ACTR3C: variants seen among roughly 807,000 people sequenced by gnomAD.
The protein encoded by ACTR3C is actin-related protein 3C.
Under a neutral mutation model 26.3 loss-of-function variants are expected in ACTR3C, and 18 were observed. The observed-to-expected ratio is 0.68, with a 90% confidence interval of 0.47 to 1.01. The LOEUF (loss-of-function observed/expected upper bound fraction) is 1.01. ACTR3C is among the 50% of genes least tolerant of loss of function. ACTR3C has a pLI of 0.00. For synonymous variants in ACTR3C, 55 were observed against 94.5 expected (o/e 0.58, Z 2.42); for missense variants, 184 against 250.7 (o/e 0.73, Z 1.80).
the ACTR3C span, among the ~76,000 whole-genome samples, chr7:150,120,573 T>C: frequency 2.0e-5 from 3 of 152,110 alleles, no homozygotes; most frequent in Admixed American, 6.5e-5. Context: ...TAACAAGTTC[T>C]GAAGTTGATA....
chr7:149,948,774 A>G, the ACTR3C span, among the ~76,000 whole-genome samples: 3 of 151,834 alleles, frequency 2.0e-5, no homozygotes, highest in African/African-American at 7.3e-5. Context: ...CTAAAATTTC[A>G]TGAGTAGCCA....
chr7:150,295,713 G>A (rs1340476675), intron 1 of ACTR3C, among the ~76,000 whole-genome samples: 1 of 150,016 alleles, frequency 6.7e-6, no homozygotes, highest in African/African-American at 2.5e-5. Flanking sequence ...GACATCAAAG[G>A]CGAACCGGTG....
the ACTR3C span, among the ~76,000 whole-genome samples, chr7:150,015,458 A>G: frequency 6.6e-6 from 1 of 152,172 alleles, no homozygotes; most frequent in Non-Finnish European, 1.5e-5. Context: ...CAGTTGCCAC[A>G]GGATCCATAA....
At chr7:150,259,014 AT>A (rs1397740343) in intron 6 of ACTR3C, among the ~76,000 whole-genome samples, 1 of 151,640 alleles carries the variant, frequency 6.6e-6, no homozygotes, top group African/African-American at 2.4e-5. Context: ...ATTAGAAATA[AT>A]TCATATTCAC....
intron 6 of ACTR3C, among the ~76,000 whole-genome samples, chr7:150,263,144 A>G (rs1417639833): frequency 1.3e-5 from 2 of 151,964 alleles, no homozygotes; most frequent in African/African-American, 4.8e-5. Context: ...ATGATAATTT[A>G]ATATGGCCAC....
chr7:150,093,228 C>G, the ACTR3C span, among the ~76,000 whole-genome samples: 16 of 150,936 alleles, frequency 1.1e-4, 1 homozygote, highest in African/African-American at 4.0e-4. Flanking sequence ...AATGTAGATA[C>G]CTGAGTTTTC....
At chr7:149,955,532 G>C in the ACTR3C span, among the ~76,000 whole-genome samples, 1 of 152,132 alleles carries the variant, frequency 6.6e-6, no homozygotes, top group Non-Finnish European at 1.5e-5. Context: ...GCAGTGATGG[G>C]AGTCGCAGTG....
At chr7:150,198,484 C>T in the ACTR3C span, among the ~76,000 whole-genome samples, 2 of 141,432 alleles carry the variant, frequency 1.4e-5, no homozygotes, top group African/African-American at 2.8e-5. Flanking sequence ...TGGGGAGCGC[C>T]TCTGCCCCGC....
chr7:150,255,226 A>T (rs1356833012), intron 6 of ACTR3C, among the ~76,000 whole-genome samples: 1 of 149,942 alleles, frequency 6.7e-6, no homozygotes, highest in East Asian at 1.9e-4. Flanking sequence ...GAAATCTGCC[A>T]AAAGTTTTGT....
the ACTR3C span, among the ~76,000 whole-genome samples, chr7:150,035,121 A>G: frequency 9.3e-3 from 1,104 of 118,792 alleles, 42 homozygotes; most frequent in African/African-American, 0.014. Context: ...TCCTCCAGGT[A>G]GGTCCTAAGG....
the ACTR3C span, chr7:150,045,054 C>G: frequency 3.3e-5 from 5 of 152,304 alleles, no homozygotes; most frequent in Admixed American, 1.3e-4. Context: ...AGGTTGTCAG[C>G]AGGTGCAAGA....
downstream of ACTR3C, among the ~76,000 whole-genome samples, chr7:150,239,610 TA>T (rs1385140877): frequency 6.9e-6 from 1 of 145,290 alleles, no homozygotes; most frequent in East Asian, 2.0e-4. Context: ...ATAAATGAGT[TA>T]TTACAGTTTG....
At chr7:149,917,903 T>C in the ACTR3C span, among the ~76,000 whole-genome samples, 141,114 of 151,404 alleles carry the variant, frequency 0.93, 66,608 homozygotes, top group East Asian at 1. Flanking sequence ...CTACTCCCTC[T>C]TAAGATTTTT....
chr7:150,196,323 A>C, the ACTR3C span, among the ~76,000 whole-genome samples: 1 of 152,148 alleles, frequency 6.6e-6, no homozygotes, highest in Non-Finnish European at 1.5e-5. Flanking sequence ...TATCTGGTTC[A>C]TTTTGTAAAA....
At chr7:150,291,490 G>A (rs1836263465) in intron 3 of ACTR3C, among the ~76,000 whole-genome samples, 1 of 152,178 alleles carries the variant, frequency 6.6e-6, no homozygotes, top group African/African-American at 2.4e-5. Flanking sequence ...AGGTCTTTGG[G>A]CGGCTTTAAA....
chr7:150,143,543 C>A, the ACTR3C span, among the ~76,000 whole-genome samples: 5 of 137,192 alleles, frequency 3.6e-5, no homozygotes, highest in Non-Finnish European at 8.2e-5. Flanking sequence ...AGACATGGAA[C>A]CTTCCCAGCT....
intron 1 of ACTR3C, among the ~76,000 whole-genome samples, chr7:150,311,432 C>T (rs1355199285): frequency 4.6e-5 from 7 of 152,160 alleles, no homozygotes; most frequent in Non-Finnish European, 7.4e-5. Context: ...CTCCACTTAC[C>T]CTCTACAGTT....
the ACTR3C span, among the ~76,000 whole-genome samples, chr7:150,195,209 C>T: frequency 6.6e-6 from 1 of 151,034 alleles, no homozygotes; most frequent in Non-Finnish European, 1.5e-5. Context: ...ACTGTTATAA[C>T]ATCCCTACAC....
At chr7:150,006,916 A>C in the ACTR3C span, among the ~76,000 whole-genome samples, 3 of 152,216 alleles carry the variant, frequency 2.0e-5, no homozygotes, top group Admixed American at 6.5e-5. Flanking sequence ...TAAATGCAAG[A>C]GGATTTAAAT....
Sources: allele counts gnomAD v4.1 joint callset (sites outside exome capture counted in the v4.1 genomes callset), GRCh38; gene constraint gnomAD v4.1.1; transcripts MANE v1.5; gene names NCBI Gene and HGNC (gene_info 2026-07-23, HGNC 2026-07-21).